The following ZDHHC2 variants were observed in gnomAD, a reference collection of about 807,000 sequenced individuals.
ZDHHC2 encodes the protein palmitoyltransferase ZDHHC2.
ZDHHC2 carries 51 observed loss-of-function variants against 55.6 expected under a neutral mutation model. The ratio of observed to expected loss-of-function variants is 0.92; its 90% confidence interval spans 0.73 to 1.16. ZDHHC2 has a LOEUF of 1.16. ZDHHC2 is among the 50% of genes most tolerant of loss of function. The pLI is 0.00. For synonymous variants in ZDHHC2, 199 were observed against 152.9 expected, an observed-to-expected ratio of 1.30 and a Z score of -2.22; for missense variants, 491 against 442.4, an observed-to-expected ratio of 1.11 and a Z score of -0.99.
intron 11 of ZDHHC2, 33 bp from the exon 12 acceptor site, chr8:17,217,136 GCAA>G: frequency 6.2e-7 from 1 of 1,603,290 alleles, no homozygotes; most frequent in Non-Finnish European, 8.5e-7. Flanking sequence ...TTGTTCAAAA[GCAA>G]CCAAAAATGC....
chr8:17,218,289 T>C (rs906608636), intron 12 of ZDHHC2, among the ~76,000 whole-genome samples: 5 of 152,318 alleles, frequency 3.3e-5, no homozygotes, highest in African/African-American at 1.2e-4. Context: ...AATGTAACTA[T>C]GAATGTAATT....
At chr8:17,189,041 GC>G (rs1291815116) in intron 3 of ZDHHC2, among the ~76,000 whole-genome samples, 1 of 149,962 alleles carries the variant, frequency 6.7e-6, no homozygotes, top group Middle Eastern at 3.3e-3. Context: ...CCCGGTCCAA[GC>G]CACCATCCTC....
intron 1 of ZDHHC2, 42 bp downstream of exon 1, chr8:17,156,895 C>T (rs1219800171): frequency 5.5e-6 from 8 of 1,465,778 alleles, no homozygotes; most frequent in East Asian, 3.1e-5. Flanking sequence ...CGCAGCGCAG[C>T]CCACCCCGAC....
intron 3 of ZDHHC2, among the ~76,000 whole-genome samples, chr8:17,190,783 A>G (rs999112037): frequency 6.6e-6 from 1 of 151,990 alleles, no homozygotes; most frequent in African/African-American, 2.4e-5. Flanking sequence ...ACAGGCATGC[A>G]ATGTGTAATA....
chr8:17,196,925 A>C (rs1402579124), intron 4 of ZDHHC2, among the ~76,000 whole-genome samples: 1 of 151,886 alleles, frequency 6.6e-6, no homozygotes, highest in African/African-American at 2.4e-5. Flanking sequence ...AAAAAAAAAG[A>C]GGTTTTTATA....
At chr8:17,193,509 C>T (rs34207594) in intron 3 of ZDHHC2, among the ~76,000 whole-genome samples, 22,000 of 152,194 alleles carry the variant, frequency 0.14, 2,312 homozygotes, top group African/African-American at 0.29. Context: ...CATTGGGTCT[C>T]GCCCAAGGCC....
At chr8:17,199,689 T>C (rs1277033318) in intron 6 of ZDHHC2, among the ~76,000 whole-genome samples, 3 of 148,170 alleles carry the variant, frequency 2.0e-5, no homozygotes, top group African/African-American at 7.4e-5. Flanking sequence ...TCTTCTTTTC[T>C]TCTTTCTCCT....
At chr8:17,195,824 C>A (rs527279337) in intron 4 of ZDHHC2, among the ~76,000 whole-genome samples, 200 bp downstream of exon 4, 4 of 151,874 alleles carry the variant, frequency 2.6e-5, no homozygotes, top group Non-Finnish European at 4.4e-5. Flanking sequence ...GCACAGAGAT[C>A]GCAAGGAAAT....
chr8:17,158,169 T>C (rs966030221), intron 1 of ZDHHC2, among the ~76,000 whole-genome samples: 6 of 152,196 alleles, frequency 3.9e-5, no homozygotes, highest in Non-Finnish European at 7.4e-5. Context: ...CATTTAGGTA[T>C]GCAGTCGTCA....
chr8:17,196,916 A>G (rs546527834), intron 4 of ZDHHC2, among the ~76,000 whole-genome samples: 3 of 152,284 alleles, frequency 2.0e-5, no homozygotes, highest in South Asian at 2.1e-4. Flanking sequence ...CTCAGAAAAA[A>G]AAAAAAAGAG....
intron 11 of ZDHHC2, among the ~76,000 whole-genome samples, chr8:17,216,400 A>G (rs1275312872): frequency 6.6e-6 from 1 of 152,190 alleles, no homozygotes; most frequent in Non-Finnish European, 1.5e-5. Flanking sequence ...TTTGCCTCCC[A>G]GAGGGTCCCA....
chr8:17,216,688 A>G (rs902862338), intron 11 of ZDHHC2, among the ~76,000 whole-genome samples: 14 of 152,184 alleles, frequency 9.2e-5, no homozygotes, highest in Non-Finnish European at 1.9e-4. Context: ...TGATTTTCAC[A>G]TGCTATTATA....
At chr8:17,160,044 G>T (rs890170588) in intron 1 of ZDHHC2, among the ~76,000 whole-genome samples, 11 of 152,166 alleles carry the variant, frequency 7.2e-5, no homozygotes, top group African/African-American at 2.7e-4. Context: ...GAATGAGGGA[G>T]GTCTGCAGCC....
chr8:17,208,149 T>C, intron 8 of ZDHHC2, 57 bp downstream of exon 8: 1 of 1,456,684 alleles, frequency 6.9e-7, no homozygotes. Flanking sequence ...CAACATTCAT[T>C]GACAGTTGCT....
At chr8:17,188,855 T>C (rs1259630361) in intron 3 of ZDHHC2, among the ~76,000 whole-genome samples, 1 of 152,200 alleles carries the variant, frequency 6.6e-6, no homozygotes, top group East Asian at 1.9e-4. Context: ...CCTAAAGTTT[T>C]CTTATGTCAG....
At chr8:17,175,898 T>G (rs1805103042) in intron 1 of ZDHHC2, among the ~76,000 whole-genome samples, 1 of 152,084 alleles carries the variant, frequency 6.6e-6, no homozygotes, top group South Asian at 2.1e-4. Flanking sequence ...GTGTGGAGCT[T>G]TTCAGACTGG....
intron 5 of ZDHHC2, 126 bp from the exon 6 acceptor site, chr8:17,198,255 A>G: frequency 1.3e-6 from 1 of 784,114 alleles, no homozygotes; most frequent in Non-Finnish European, 1.9e-6. Flanking sequence ...TTTTTAGATA[A>G]GTAAATAATT....
At chr8:17,208,960 G>T (rs1297179600) in intron 8 of ZDHHC2, among the ~76,000 whole-genome samples, 2 of 152,054 alleles carry the variant, frequency 1.3e-5, no homozygotes, top group Non-Finnish European at 2.9e-5. Flanking sequence ...TCTTGCAAAT[G>T]ACCACATTTT....
chr8:17,168,295 G>C (rs965628581), intron 1 of ZDHHC2, among the ~76,000 whole-genome samples: 1 of 152,170 alleles, frequency 6.6e-6, no homozygotes, highest in African/African-American at 2.4e-5. Context: ...GGCATACACA[G>C]CTCAACAAAG....
Sources: gnomAD v4.1 joint callset for allele counts (sites outside exome capture counted in the v4.1 genomes callset) on GRCh38, gnomAD v4.1.1 for gene constraint, MANE v1.5 for transcripts, NCBI Gene and HGNC (gene_info 2026-07-23, HGNC 2026-07-21) for gene names.